The following MNT variants were observed in gnomAD, a reference collection of about 807,000 sequenced individuals.
The protein encoded by MNT is MAX network transcriptional repressor.
MNT carries 13 observed loss-of-function variants against 40.7 expected under a neutral mutation model. That is an observed-to-expected ratio of 0.32 (90% CI 0.21 to 0.51). MNT has a LOEUF of 0.51. Among genes scored for constraint, MNT ranks in the 20% least tolerant of loss-of-function variants. MNT has a pLI of 0.98. For synonymous variants in MNT, 426 were observed against 354.8 expected (o/e 1.20, Z -2.26); for missense variants, 757 against 792.0 (o/e 0.96, Z 0.53).
chr17:2,396,324 C>T (rs759622492), intron 1 of MNT: 1 of 153,592 alleles, frequency 6.5e-6, no homozygotes, highest in Non-Finnish European at 1.5e-5. Flanking sequence ...CCACCAGCAG[C>T]AGCGCCAGCA....
chr17:2,395,406 T>C lies in MNT; in HGVS notation c.122A>G (p.Lys41Arg), dbSNP rs984362026. 2.5e-6 allele frequency: 4 copies of C among 1,613,532 alleles called. No individual in the cohort carries two copies. The highest frequency in any genetic ancestry group is 1.3e-5 in the African/African-American group (1 of 74,852). Residue 41 changes from lysine (K) to arginine (R), a missense_variant, in exon 2 of 6, where the codon AAG (lysine) becomes AGG (arginine). Lys to Arg is a conservative substitution (Grantham distance 26). Transcript: ENST00000174618. The stretch of plus-strand genomic sequence containing the variant: ...CAGCCTGGCCAGGCTATTGGCCTTC[T>C]TCTGTTCCTGCTCTCGCTCCTGCTC... ...RLEQEREQEQ[K>R]KANSLARLAH...
chr17:2,387,295 A>T lies in MNT; in HGVS notation c.1355T>A (p.Ile452Asn). 1 of 1,613,376 alleles carries T rather than the reference A, an allele frequency of 6.2e-7. No homozygotes were observed. The highest frequency in any genetic ancestry group is 8.5e-7 in the Non-Finnish European group (1 of 1,179,816). Reference sequence around the variant, plus strand: ...CTGCAGAACGTGGTTCACAGTCTGGATGACTGAAGCGTGAGTGGTGGCTGT... The same window carrying T: ...CTGCAGAACGTGGTTCACAGTCTGGTTGACTGAAGCGTGAGTGGTGGCTGT... ...AHTATTHASVIQTVNHVLQGP... is the reference protein window; with the variant it reads ...AHTATTHASVNQTVNHVLQGP... The change falls in exon 6 of 6, where the codon ATC becomes AAC. Residue 452 changes from isoleucine to asparagine, a missense_variant. Around this residue, in one of 4 missense-constraint regions of MNT, gnomAD observed 345 missense variants for 380.1 expected, o/e 0.91. Transcript: ENST00000174618.
At chr17:2,389,810 A>C (rs2066498550) in intron 4 of MNT, 1 of 152,388 alleles carries the variant, frequency 6.6e-6, no homozygotes, top group East Asian at 1.9e-4. Flanking sequence ...CACTGAGGAA[A>C]AATGGGGCTC....
At chr17:2,391,158 T>A (rs2151667538) in intron 4 of MNT, 1 of 152,412 alleles carries the variant, frequency 6.6e-6, no homozygotes, top group South Asian at 2.1e-4. Context: ...AGGACTAATT[T>A]TTGTATTTTT....
chr17:2,387,375 T>C lies in MNT; in HGVS notation c.1275A>G (p.Pro425=), dbSNP rs1284291590. The change falls in exon 6 of 6, where the codon CCA becomes CCG. Residue 425 remains proline, a synonymous_variant. Coordinates refer to ENST00000174618, the MANE Select transcript of MNT (RefSeq NM_020310.3). ...PPAAPAQTLV[P]APAHLVATAG... is the part of the protein sequence containing the mutation. The stretch of plus-strand genomic sequence containing the variant: ...CCGTCGCCACCAGATGGGCTGGAGC[T>C]GGCACCAGTGTCTGGGCAGGGGCAG... 12 of 1,612,044 alleles carry C rather than the reference T, an allele frequency of 7.4e-6. No individual in the cohort carries two copies. The highest frequency in any genetic ancestry group is 1.7e-5 in the Admixed American group (1 of 59,604).
Position 2,400,882 on chromosome 17 carries a change from C to A in MNT, c.-170G>T. On this transcript the variant is annotated 5_prime_UTR_variant, in exon 1 of 6. Coordinates refer to ENST00000174618, the MANE Select transcript of MNT (RefSeq NM_020310.3). ...AACGGGGGAGCACGGGGAGAAAAAT[C>A]AATGTCTCTCAAAATATTTGCAAAA... 3 of 400,218 alleles carry A rather than the reference C, an allele frequency of 7.5e-6. No homozygotes were observed. The highest frequency in any genetic ancestry group is 4.7e-5 in the Admixed American group (1 of 21,382). The allele number at this position is 400,218 out of a possible 1,614,324, so 24.8% of individuals were successfully genotyped here.
chr17:2,389,482 TC>T (rs2098333122), intron 4 of MNT: 2 of 151,962 alleles, frequency 1.3e-5, no homozygotes, highest in Admixed American at 6.6e-5. Flanking sequence ...TCCATGTTGG[TC>T]AGGCTGGTCT....
chr17:2,387,310 G>C lies in MNT; in HGVS notation c.1340C>G (p.Thr447Ser), dbSNP rs1224013410. The change falls in exon 6 of 6, where the codon ACT (threonine) becomes AGT (serine). Residue 447 changes from threonine (T) to serine (S), a missense_variant. Physicochemically the swap from Thr to Ser is moderately conservative, Grantham distance 58. Transcript: ENST00000174618. ...CACAGTCTGGATGACTGAAGCGTGA[G>C]TGGTGGCTGTGTGGGCGATGACCGT... Reference protein sequence around the residue: ...GSTVIAHTATTHASVIQTVNH... With the variant: ...GSTVIAHTATSHASVIQTVNH... 9 of 1,613,230 alleles carry C rather than the reference G, an allele frequency of 5.6e-6. No homozygotes were observed. The highest frequency in any genetic ancestry group is 4.5e-5 in the East Asian group (2 of 44,864).
chr17:2,393,932 G>C (rs532905624), intron 4 of MNT, 111 bp downstream of exon 4: 7 of 600,338 alleles, frequency 1.2e-5, no homozygotes, highest in Non-Finnish European at 1.5e-5. Flanking sequence ...AGGTGGGAGG[G>C]AGGCGCGGGG....
intron 4 of MNT, chr17:2,393,704 T>A (rs746556661): frequency 6.4e-6 from 1 of 155,848 alleles, no homozygotes; most frequent in Non-Finnish European, 1.4e-5. Flanking sequence ...CCCCATGCCC[T>A]TCCCTCCCGC....
At chr17:2,397,059 G>GGGGGAAGCGTCCTGGGA (rs1365755085) in intron 1 of MNT, among the ~76,000 whole-genome samples, 1 of 152,144 alleles carries the variant, frequency 6.6e-6, no homozygotes, top group Non-Finnish European at 1.5e-5. Flanking sequence ...AGGAAGCGGA[G>GGGGGAAGCGTCCTGGGA]GGGGAAGCGT....
In MNT at chr17:2,393,026, T is replaced by G. The variant is rs539256113; in HGVS notation, c.807+1017A>C. On this transcript the variant is annotated intron_variant, in intron 4 of 5. Transcript: ENST00000174618. ...CGGGGGAGGGGCGGCGCCCAGCGGC[T>G]GGCTCCTCGCGCGCTGGACCCTCCT... Among the ~76,000 whole-genome samples, 264 of 151,862 alleles carry G rather than the reference T, an allele frequency of 1.7e-3. 2 individuals are homozygous for G. The highest frequency in any genetic ancestry group is 0.014 in the South Asian group (68 of 4,818).
chr17:2,394,104 T>A lies in MNT; in HGVS notation c.746A>T (p.Asn249Ile). The change falls in exon 4 of 6, where the codon AAC (asparagine) becomes ATC (isoleucine). Residue 249 changes from asparagine (N) to isoleucine (I), a missense_variant. This residue lies in a region of MNT where 73 missense variants were observed against 100.8 expected (regional missense o/e 0.72). Transcript: ENST00000174618. ...ATTGGACGTCTTCTTGTCATCCACGTTGGGGATGTTCCGCTTCAGGGTCTC... is the reference window on the plus strand; with the variant it reads ...ATTGGACGTCTTCTTGTCATCCACGATGGGGATGTTCCGCTTCAGGGTCTC... ...CFETLKRNIP[N>I]VDDKKTSNLS... is the part of the protein sequence containing the mutation. The A allele has an allele frequency of 1.2e-6, 2 of 1,608,934 alleles. No homozygotes were observed. Among genetic ancestry groups the A allele is most frequent in the Non-Finnish European group, 1.7e-6 (2 of 1,177,840 alleles).
rs868543089 is a variant in MNT, at chr17:2,394,915, C to A, written c.613G>T (p.Glu205Ter). 1 of 1,604,740 alleles carries A rather than the reference C, an allele frequency of 6.2e-7. No individual in the cohort carries two copies. Among genetic ancestry groups the A allele is most frequent in the East Asian group, 2.2e-5 (1 of 44,576 alleles). ...TTCTGTTCACTGGATTTGACTTCTTCAGCTGGTGCCAACTTCAGGGTCCCC... is the reference window on the plus strand; with the variant it reads ...TTCTGTTCACTGGATTTGACTTCTTAAGCTGGTGCCAACTTCAGGGTCCCC... ...TLGTLKLAPA[E>*]EVKSSEQKKR... is the part of the protein sequence containing the mutation. The change falls in exon 2 of 6, where the codon GAA becomes TAA. Residue 205 changes from glutamate (E) to a stop codon, truncating the protein, a stop_gained. Coordinates refer to ENST00000174618, the MANE Select transcript of MNT (RefSeq NM_020310.3). LOFTEE classifies it high-confidence loss of function.
intron 1 of MNT, among the ~76,000 whole-genome samples, chr17:2,399,077 C>T (rs1348717629): frequency 6.6e-6 from 1 of 151,828 alleles, no homozygotes; most frequent in Non-Finnish European, 1.5e-5. Flanking sequence ...CTACTACCTC[C>T]TGCATGACTC....
In MNT at chr17:2,387,929, G is replaced by A. The variant is rs375493538; in HGVS notation, c.928C>T (p.Leu310=). 249 of 1,609,770 alleles carry A rather than the reference G, an allele frequency of 1.5e-4. No homozygotes were observed. Among genetic ancestry groups the A allele is most frequent in the Non-Finnish European group, 2.0e-4 (233 of 1,179,192 alleles). The change falls in exon 5 of 6, where the codon CTG becomes TTG. Residue 310 remains leucine (L), a synonymous_variant. Transcript: ENST00000174618. ...KHELSQWMDV[L]EIDRVLRQTG... is the part of the protein sequence containing the mutation. ...TGCCGCAGCACGCGGTCAATCTCCAGTACGTCCATCCACTGGCTCAGCTCG... is the reference window on the plus strand; with the variant it reads ...TGCCGCAGCACGCGGTCAATCTCCAATACGTCCATCCACTGGCTCAGCTCG...
At chr17:2,399,582 G>A (rs1325269706) in intron 1 of MNT, among the ~76,000 whole-genome samples, 1 of 152,156 alleles carries the variant, frequency 6.6e-6, no homozygotes, top group Non-Finnish European at 1.5e-5. Context: ...GGCTCTCCCT[G>A]GGAGGTGCCC....
chr17:2,395,544 A>G, intron 1 of MNT, 90 bp from the exon 2 acceptor site: 1 of 1,567,904 alleles, frequency 6.4e-7, no homozygotes, highest in South Asian at 1.1e-5. Flanking sequence ...CCCAGTCAGT[A>G]CTCAGTGACA....
intron 1 of MNT, 126 bp downstream of exon 1, chr17:2,400,514 C>T: frequency 1.2e-6 from 1 of 826,366 alleles, no homozygotes; most frequent in Non-Finnish European, 1.8e-6. Flanking sequence ...CGCGGGGAGC[C>T]GTGCGCTGCC....
Sources: allele counts gnomAD v4.1 joint callset (sites outside exome capture counted in the v4.1 genomes callset), GRCh38; gene constraint gnomAD v4.1.1; regional missense constraint gnomAD v4.1.1; transcripts MANE v1.5; gene names NCBI Gene and HGNC (gene_info 2026-07-23, HGNC 2026-07-21).